Variants in SEC14L3 observed in about 807,000 individuals in gnomAD.
SEC14L3 encodes SEC14-like protein 3.
A neutral mutation model predicts 57.4 loss-of-function variants in SEC14L3; 56 were observed. That is an observed-to-expected ratio of 0.97 (90% CI 0.79 to 1.22). The LOEUF (loss-of-function observed/expected upper bound fraction) is 1.22. SEC14L3 is among the 50% of genes most tolerant of loss of function. SEC14L3 has a pLI of 0.00. For synonymous variants in SEC14L3, 173 were observed against 194.4 expected, an observed-to-expected ratio of 0.89 and a Z score of 0.92; for missense variants, 485 against 511.7, an observed-to-expected ratio of 0.95 and a Z score of 0.50.
chr22:30,461,920 G>A (rs1048815444), intron 9 of SEC14L3, 166 bp downstream of exon 9: 4 of 499,644 alleles, frequency 8.0e-6, no homozygotes, highest in Admixed American at 6.4e-5. Context: ...TTTCTTGTTT[G>A]CCTTTACAGC....
Position 30,462,197 on chromosome 22 carries a change from G to A in SEC14L3, c.665-5C>T. ...GCAAACCTTCCTTCCAGTTATCTGG[G>A]AGCAGTGGGATTCAAGGGTGGTTAG... is the stretch of plus-strand genomic sequence containing the variant. On this transcript the variant is annotated splice_region_variant and splice_polypyrimidine_tract_variant and intron_variant, in intron 8 of 11. Coordinates refer to ENST00000215812, the MANE Select transcript of SEC14L3 (RefSeq NM_174975.5). 2 of 1,611,324 alleles carry A rather than the reference G, an allele frequency of 1.2e-6. No homozygotes were observed. The highest frequency in any genetic ancestry group is 1.1e-5 in the South Asian group (1 of 90,488).
intron 8 of SEC14L3, among the ~76,000 whole-genome samples, chr22:30,462,658 A>G (rs1485164057): frequency 1.3e-5 from 2 of 152,018 alleles, no homozygotes; most frequent in Non-Finnish European, 2.9e-5. Context: ...CCTGGGCTCA[A>G]ATGATTGTCT....
chr22:30,471,581 G>A (rs1214227036), intron 1 of SEC14L3, among the ~76,000 whole-genome samples: 1 of 152,200 alleles, frequency 6.6e-6, no homozygotes, highest in African/African-American at 2.4e-5. Context: ...CCTACCTATG[G>A]TGCCTGGGAG....
chr22:30,461,644 C>G lies in SEC14L3; in HGVS notation c.822G>C (p.Val274=). ...IPKSMYVRDQ[V]KTQYEHSVQI... is the part of the protein sequence containing the mutation. ...GCACCGAGTGCTCGTACTGAGTCTT[C>G]ACCTGGTCCCGCACGTACATGGACT... The change falls in exon 10 of 12, where the codon GTG becomes GTC. Residue 274 remains valine, a synonymous_variant. Transcript: ENST00000215812. 1 of 1,613,896 alleles carries G rather than the reference C, an allele frequency of 6.2e-7. No homozygotes were observed. The highest frequency in any genetic ancestry group is 8.5e-7 in the Non-Finnish European group (1 of 1,179,948).
downstream of SEC14L3, among the ~76,000 whole-genome samples, chr22:30,457,219 C>T (rs1248296319): frequency 6.6e-6 from 1 of 152,096 alleles, no homozygotes; most frequent in Non-Finnish European, 1.5e-5. Context: ...GTGCTGCCAC[C>T]GTCTTCCAAG....
At chr22:30,449,543 TTTTTCTTTTCTTTTC>T (rs71814315) in intron 12 of SEC14L3, among the ~76,000 whole-genome samples, 7 of 137,722 alleles carry the variant, frequency 5.1e-5, no homozygotes, top group Admixed American at 1.5e-4. Context: ...TGTCCGTTCT[TTTTTCTTTTCTTTTC>T]TTTTCTTTTC....
chr22:30,458,852 A>T (rs569480819), downstream of SEC14L3, among the ~76,000 whole-genome samples: 1 of 152,230 alleles, frequency 6.6e-6, no homozygotes, highest in South Asian at 2.1e-4. Context: ...AAAATACAAA[A>T]AAATTAGCCA....
At chr22:30,451,580 T>C (rs1329825847) in intron 12 of SEC14L3, among the ~76,000 whole-genome samples, 1 of 152,138 alleles carries the variant, frequency 6.6e-6, no homozygotes, top group East Asian at 1.9e-4. Context: ...ACTAAGACTG[T>C]GCCCCGAAGA....
chr22:30,457,983 T>A (rs1207281886), downstream of SEC14L3, among the ~76,000 whole-genome samples: 2 of 152,226 alleles, frequency 1.3e-5, no homozygotes, highest in Admixed American at 6.5e-5. Flanking sequence ...CACCCATAAG[T>A]GCATGTGGGA....
chr22:30,460,154 A>C lies in SEC14L3; in HGVS notation c.1082-12T>G. ...GAAGCGTAGGACATCTGGGGGACAG[A>C]TGGAAAGAGGGGCATTGGGCTTGGC... is the stretch of plus-strand genomic sequence containing the variant. On this transcript the variant is annotated splice_polypyrimidine_tract_variant and intron_variant, in intron 11 of 11. Coordinates refer to ENST00000215812, the MANE Select transcript of SEC14L3 (RefSeq NM_174975.5). 1 of 1,613,202 alleles carries C rather than the reference A, an allele frequency of 6.2e-7. No individual in the cohort carries two copies. Among genetic ancestry groups the C allele is most frequent in the Non-Finnish European group, 8.5e-7 (1 of 1,179,342 alleles).
At chr22:30,448,562 C>A (rs13433554) in exon 13 of SEC14L3, 2 of 89,030 alleles carry the variant, frequency 2.2e-5, no homozygotes, top group Admixed American at 2.5e-4. Context: ...GCCTTACATT[C>A]TCCTAAAAAA....
In SEC14L3 at chr22:30,471,887, A is replaced by C. The variant is rs1407180482; in HGVS notation, c.54+18T>G. 6.2e-7 allele frequency: 1 copy of C among 1,612,968 alleles called. No individual in the cohort carries two copies. The highest frequency in any genetic ancestry group is 8.5e-7 in the Non-Finnish European group (1 of 1,179,574). ...CTTTCCCCTGGTCTTCCGGAACTCC[A>C]GGGGGAGGGGCTCTCACCTTGGCCA... On this transcript the variant is annotated intron_variant, in intron 1 of 11. Coordinates refer to ENST00000215812, the MANE Select transcript of SEC14L3 (RefSeq NM_174975.5).
In SEC14L3 at chr22:30,461,638, A is replaced by G. The variant is rs375007199; in HGVS notation, c.828T>C (p.Thr276=). ...KSMYVRDQVK[T]QYEHSVQINR... ...TGATCTGCACCGAGTGCTCGTACTG[A>G]GTCTTCACCTGGTCCCGCACGTACA... Residue 276 remains threonine (T), a synonymous_variant, in exon 10 of 12, where the codon ACT becomes ACC. Coordinates refer to ENST00000215812, the MANE Select transcript of SEC14L3 (RefSeq NM_174975.5). 3 of 1,613,700 alleles carry G rather than the reference A, an allele frequency of 1.9e-6. No individual in the cohort carries two copies. The African/African-American group carries it at 4.0e-5, about 22-fold the overall frequency.
chr22:30,461,781 G>A, intron 9 of SEC14L3, 87 bp from the exon 10 acceptor site: 1 of 1,512,458 alleles, frequency 6.6e-7, no homozygotes, highest in Non-Finnish European at 8.9e-7. Flanking sequence ...ACCACCTCCT[G>A]GAAGTATCCT....
chr22:30,467,120 T>C (rs1569230790), intron 5 of SEC14L3, 43 bp from the exon 6 acceptor site: 1 of 1,612,352 alleles, frequency 6.2e-7, no homozygotes, highest in Non-Finnish European at 8.5e-7. Flanking sequence ...GTTCAGGGTG[T>C]AGGCTTGGGA....
At position 30,470,022 on chromosome 22, in the gene SEC14L3, TG is replaced by T. The variant is rs1935551206; in HGVS notation, c.230del (p.Pro77GlnfsTer3). 1.3e-6 allele frequency: 2 copies of T among 1,566,930 alleles called. No homozygotes were observed. The highest frequency in any genetic ancestry group is 2.4e-5 in the South Asian group (2 of 82,656). Reference protein sequence around the residue: ...DIDHILDWQPPEVIQKYMPGG... With the variant: ...DIDHILDWQPXEVIQKYMPGG... The stretch of plus-strand genomic sequence containing the variant: ...GTGTTTGGCGGTGTTGGCTCACCTC[TG>T]GGGGCTGCCAATCAAGGATATGGTC... On this transcript the variant is annotated frameshift_variant, in exon 4 of 12. Coordinates refer to ENST00000215812, the MANE Select transcript of SEC14L3 (RefSeq NM_174975.5). LOFTEE classifies it high-confidence loss of function.
At chr22:30,470,103 T>A (rs1569232448) in intron 3 of SEC14L3, 25 bp from the exon 4 acceptor site, 2 of 1,607,690 alleles carry the variant, frequency 1.2e-6, no homozygotes, top group East Asian at 2.2e-5. Flanking sequence ...AGTGGTAAGA[T>A]CCCACTGGGC....
In SEC14L3 at chr22:30,471,970, G is replaced by T; in HGVS notation, c.-12C>A. On this transcript the variant is annotated 5_prime_UTR_variant, in exon 1 of 12. Coordinates refer to ENST00000215812, the MANE Select transcript of SEC14L3 (RefSeq NM_174975.5). ...ACTCGGCCGCTCATGGTGCTGGCTG[G>T]GGCTTGAGGAGTGGTGGCCACTATA... 1 of 1,598,956 alleles carries T rather than the reference G, an allele frequency of 6.3e-7. No homozygotes were observed. The highest frequency in any genetic ancestry group is 1.4e-5 in the African/African-American group (1 of 74,012).
chr22:30,464,656 C>G (rs1054622093), intron 8 of SEC14L3, among the ~76,000 whole-genome samples, 164 bp downstream of exon 8: 1 of 152,130 alleles, frequency 6.6e-6, no homozygotes, highest in African/African-American at 2.4e-5. Context: ...GTCTCAACCT[C>G]CTGATATCAA....
Sources: gnomAD v4.1 joint callset for allele counts (sites outside exome capture counted in the v4.1 genomes callset) on GRCh38, gnomAD v4.1.1 for gene constraint, MANE v1.5 for transcripts, NCBI Gene and HGNC (gene_info 2026-07-23, HGNC 2026-07-21) for gene names.